LRMDA: variants seen among roughly 807,000 people sequenced by gnomAD.
LRMDA encodes leucine-rich melanocyte differentiation-associated protein.
Under a neutral mutation model 29.8 loss-of-function variants are expected in LRMDA, and 18 were observed. That is an observed-to-expected ratio of 0.60 (90% CI 0.42 to 0.90). The LOEUF (loss-of-function observed/expected upper bound fraction) is 0.90, where lower values mean the gene tolerates loss of function less well. LRMDA is among the 40% of genes least tolerant of loss of function. The pLI is 0.00. For synonymous variants in LRMDA, 125 were observed against 109.4 expected, an observed-to-expected ratio of 1.14 and a Z score of -0.89; for missense variants, 273 against 273.9, an observed-to-expected ratio of 1.00 and a Z score of 0.02.
chr10:75,483,469 T>C (rs549636160), intron 2 of LRMDA, among the ~76,000 whole-genome samples: 3 of 152,322 alleles, frequency 2.0e-5, no homozygotes, highest in Non-Finnish European at 2.9e-5. Flanking sequence ...GGAAGTAATA[T>C]AGGGCTTGGA....
At chr10:75,782,690 G>T (rs1843404161) in intron 2 of LRMDA, 1 of 1,212,174 alleles carries the variant, frequency 8.2e-7, no homozygotes, top group South Asian at 2.2e-5. Context: ...TCCAAGTAGA[G>T]TCAACATAAA....
At chr10:76,224,690 T>TTA (rs1554856519) in intron 5 of LRMDA, among the ~76,000 whole-genome samples, 2 of 144,290 alleles carry the variant, frequency 1.4e-5, no homozygotes, top group African/African-American at 5.4e-5. Flanking sequence ...TTTTTTTTTT[T>TTA]ACCGGACAAA....
chr10:75,576,165 C>G (rs1326801020), intron 2 of LRMDA, among the ~76,000 whole-genome samples: 1 of 152,162 alleles, frequency 6.6e-6, no homozygotes, highest in Non-Finnish European at 1.5e-5. Flanking sequence ...TGACCTGGGA[C>G]ACTCAAGCTT....
intron 2 of LRMDA, among the ~76,000 whole-genome samples, chr10:75,577,000 C>A (rs1258808968): frequency 6.6e-6 from 1 of 152,148 alleles, no homozygotes; most frequent in African/African-American, 2.4e-5. Flanking sequence ...ATCACAACTC[C>A]TCTCCAGCAA....
intron 5 of LRMDA, among the ~76,000 whole-genome samples, chr10:76,099,320 G>T (rs1419768071): frequency 6.6e-6 from 1 of 152,214 alleles, no homozygotes; most frequent in East Asian, 1.9e-4. Flanking sequence ...GAAGCAAGAA[G>T]GAGTTGATTA....
intron 2 of LRMDA, among the ~76,000 whole-genome samples, chr10:75,811,506 G>C (rs1019433748): frequency 6.6e-6 from 1 of 152,128 alleles, no homozygotes; most frequent in African/African-American, 2.4e-5. Context: ...GCCTAGGCAC[G>C]GACTCAGGAT....
chr10:75,883,931 G>T (rs1244884916), intron 2 of LRMDA, among the ~76,000 whole-genome samples: 1 of 151,688 alleles, frequency 6.6e-6, no homozygotes. Flanking sequence ...TCACTGTAGT[G>T]CAAAGCCCTG....
At chr10:75,815,922 A>G (rs559882970) in intron 2 of LRMDA, among the ~76,000 whole-genome samples, 1 of 152,356 alleles carries the variant, frequency 6.6e-6, no homozygotes, top group South Asian at 2.1e-4. Context: ...CACATGGGTG[A>G]TGAGATGTTT....
chr10:75,626,828 G>A (rs1283187803), intron 2 of LRMDA, among the ~76,000 whole-genome samples: 2 of 152,178 alleles, frequency 1.3e-5, no homozygotes, highest in Admixed American at 6.5e-5. Context: ...ACAGGCTAAG[G>A]TTGGAGGGTC....
At chr10:75,761,719 A>G (rs77673489) in intron 2 of LRMDA, among the ~76,000 whole-genome samples, 1,713 of 152,354 alleles carry the variant, frequency 0.011, 26 homozygotes, top group Middle Eastern at 0.031. Flanking sequence ...CACAATAAAA[A>G]AGAAGGATAT....
chr10:76,334,064 G>T (rs1046278254), intron 6 of LRMDA, among the ~76,000 whole-genome samples: 1 of 152,170 alleles, frequency 6.6e-6, no homozygotes, highest in Non-Finnish European at 1.5e-5. Context: ...AGGAACAAAC[G>T]TACAAAAAGC....
intron 2 of LRMDA, among the ~76,000 whole-genome samples, chr10:76,007,905 C>T (rs944748907): frequency 6.6e-6 from 1 of 152,132 alleles, no homozygotes; most frequent in East Asian, 1.9e-4. Context: ...GTAATTTATT[C>T]GATTTTGGGT....
rs1564651718 is a variant in LRMDA at position 76,096,079 on chromosome 10, TTTA to T, written c.516+37300_516+37302del. On this transcript the variant is annotated intron_variant, in intron 5 of 6. Transcript: ENST00000611255. ...CCCGGTCTGTATCTTCCTTTTTCAT[TTTA>T]TTAACAGTGTCTTTTGAAGAGCAAA... Among the ~76,000 whole-genome samples, 8 of 152,206 alleles carry T rather than the reference TTTA, an allele frequency of 5.3e-5. 1 individual carries two copies. In the South Asian group the frequency reaches 1.4e-3, roughly 28 times the overall value.
intron 6 of LRMDA, among the ~76,000 whole-genome samples, chr10:76,383,531 C>T (rs574069632): frequency 2.3e-4 from 34 of 148,184 alleles, no homozygotes; most frequent in African/African-American, 6.2e-4. Flanking sequence ...CCCGGGTTCA[C>T]GCCATTCTCC....
At chr10:75,732,535 G>A (rs1842712320) in intron 2 of LRMDA, among the ~76,000 whole-genome samples, 1 of 152,076 alleles carries the variant, frequency 6.6e-6, no homozygotes, top group Admixed American at 6.6e-5. Context: ...CACTTCTTTG[G>A]GGAGCTGGAA....
At chr10:76,516,281 T>A (rs1843060042) in intron 6 of LRMDA, among the ~76,000 whole-genome samples, 1 of 152,166 alleles carries the variant, frequency 6.6e-6, no homozygotes, top group African/African-American at 2.4e-5. Context: ...AGCAAATTTG[T>A]ATGAAATGAT....
chr10:75,758,966 G>A (rs751487349), intron 2 of LRMDA, among the ~76,000 whole-genome samples: 3 of 146,888 alleles, frequency 2.0e-5, no homozygotes, highest in Non-Finnish European at 3.0e-5. Flanking sequence ...TTTTTTTTTC[G>A]TCAAGAAGTT....
At chr10:76,033,851 C>G (rs1848192968) in intron 2 of LRMDA, among the ~76,000 whole-genome samples, 2 of 152,128 alleles carry the variant, frequency 1.3e-5, no homozygotes, top group Admixed American at 6.5e-5. Flanking sequence ...GCCCGAAAGT[C>G]CCCTGCACAA....
rs1474452432 is a variant in LRMDA, at chr10:76,278,578, G to A, written c.517-45823G>A. On this transcript the variant is annotated intron_variant, in intron 5 of 6. Transcript: ENST00000611255. ...TCAACAAGATAACCTGACAGTCAGC[G>A]GTGTCTCACCCACACTATTACCTGC... Among the ~76,000 whole-genome samples the A allele has an allele frequency of 2.6e-5, 4 of 152,136 alleles. 1 individual carries two copies. In the South Asian group the frequency reaches 8.3e-4, roughly 32 times the overall value.
Sources: gnomAD v4.1 joint callset for allele counts (sites outside exome capture counted in the v4.1 genomes callset) on GRCh38, gnomAD v4.1.1 for gene constraint, MANE v1.5 for transcripts, NCBI Gene and HGNC (gene_info 2026-07-23, HGNC 2026-07-21) for gene names.